Variants in PCDHGA5 observed in about 807,000 individuals in gnomAD.
PCDHGA5 encodes protocadherin gamma-A5.
Under a neutral mutation model 56.7 loss-of-function variants are expected in PCDHGA5, and 36 were observed. The ratio of observed to expected loss-of-function variants is 0.64; its 90% CI spans 0.49 to 0.84. The LOEUF is 0.84. Ranked by LOEUF, PCDHGA5 falls within the 40% of genes least tolerant of loss-of-function variation. The pLI, the probability that PCDHGA5 is intolerant of heterozygous loss-of-function variation, is 0.00. For synonymous variants in PCDHGA5, 563 were observed against 520.2 expected, an observed-to-expected ratio of 1.08 and a Z score of -1.12; for missense variants, 1,305 against 1,201.5, an observed-to-expected ratio of 1.09 and a Z score of -1.27.
rs2099417434 is a variant in PCDHGA5, at chr5:141,477,762, C to T, written c.2422-17045C>T. 1 of 1,613,968 alleles carries T rather than the reference C, an allele frequency of 6.2e-7. No homozygotes were observed. The highest frequency in any genetic ancestry group is 8.5e-7 in the Non-Finnish European group (1 of 1,180,032). On this transcript the variant is annotated intron_variant, in intron 1 of 3. Transcript: ENST00000518069. This position sits in a 1 kb window ranked among gnomAD's most constrained non-coding sequence, Gnocchi z 4.9. ...GATGGGGGCACCCCGGTCCTAGCCA[C>T]CAACATCAGCGTGAACATATTTGTC...
chr5:141,400,081 G>A lies in PCDHGA5; in HGVS notation c.2421+33330G>A, dbSNP rs763547099. 3.7e-6 allele frequency: 6 copies of A among 1,613,902 alleles called. No homozygotes were observed. The highest frequency in any genetic ancestry group is 3.3e-5 in the Admixed American group (2 of 60,010). On this transcript the variant is annotated intron_variant, in intron 1 of 3. Transcript: ENST00000518069. ...TGATGGTGGACAGCCGCCACTCTCC[G>A]CCACCGCCACGCTGCACTTGGTCTT...
chr5:141,501,390 T>TCAC (rs1033806087), intron 2 of PCDHGA5, among the ~76,000 whole-genome samples: 4 of 151,794 alleles, frequency 2.6e-5, no homozygotes, highest in African/African-American at 9.7e-5. Flanking sequence ...CTAGGTCCTG[T>TCAC]CACAGGCCAC....
chr5:141,376,948 A>T (rs1369934638), intron 1 of PCDHGA5: 1 of 164,970 alleles, frequency 6.1e-6, no homozygotes, highest in South Asian at 1.6e-4. Context: ...CGGCCTCCCA[A>T]AGTGCTGGGA....
chr5:141,393,121 T>A, intron 1 of PCDHGA5: 1 of 1,613,428 alleles, frequency 6.2e-7, no homozygotes, highest in African/African-American at 1.3e-5. Context: ...CCGCGGTGTC[T>A]GATAAATATT....
intron 1 of PCDHGA5, chr5:141,374,117 G>T: frequency 1.9e-6 from 3 of 1,587,564 alleles, no homozygotes; most frequent in South Asian, 1.1e-5. Context: ...GCAGCGCAGC[G>T]AGCAGGTCCT....
intron 1 of PCDHGA5, chr5:141,388,479 C>T (rs1345463224): frequency 4.3e-6 from 7 of 1,613,652 alleles, no homozygotes; most frequent in Non-Finnish European, 1.7e-6. Flanking sequence ...ATTGAAGACA[C>T]CTTTGGACAG....
intron 1 of PCDHGA5, chr5:141,393,700 A>T: frequency 6.2e-7 from 1 of 1,613,934 alleles, no homozygotes; most frequent in Non-Finnish European, 8.5e-7. Context: ...CAGCTTAATG[A>T]AAATACTGGG....
intron 1 of PCDHGA5, chr5:141,419,649 A>C: frequency 6.2e-7 from 1 of 1,612,422 alleles, no homozygotes; most frequent in Non-Finnish European, 8.5e-7. Context: ...GTGGACGCGG[A>C]CTCGGGGCAC....
chr5:141,462,646 A>G (rs1371582710), intron 1 of PCDHGA5, among the ~76,000 whole-genome samples: 1 of 137,316 alleles, frequency 7.3e-6, no homozygotes, highest in Non-Finnish European at 1.5e-5. Flanking sequence ...TTTCATTTCC[A>G]TCCTCAATTA....
chr5:141,438,619 TATATATATATATATATACACAC>T (rs1408639052), intron 1 of PCDHGA5, among the ~76,000 whole-genome samples: 61 of 39,666 alleles, frequency 1.5e-3, no homozygotes, highest in African/African-American at 9.2e-3. Context: ...TATATATATA[TATATATATATATATATACACAC>T]ACACACACAC....
intron 1 of PCDHGA5, among the ~76,000 whole-genome samples, chr5:141,469,967 C>G (rs2099217411): frequency 6.6e-6 from 1 of 152,124 alleles, no homozygotes; most frequent in Admixed American, 6.6e-5. Flanking sequence ...CCCATCTGTA[C>G]CAAAAATACA....
At chr5:141,419,916 C>T in intron 1 of PCDHGA5, 1 of 1,614,080 alleles carries the variant, frequency 6.2e-7, no homozygotes, top group Non-Finnish European at 8.5e-7. Context: ...GACTCCCAGG[C>T]TGAGATGCAG....
intron 1 of PCDHGA5, among the ~76,000 whole-genome samples, chr5:141,454,796 ATTTTTTTTT>A (rs61612330): frequency 1.2e-4 from 9 of 77,408 alleles, no homozygotes; most frequent in Admixed American, 5.4e-4. Context: ...CATGGTTCTA[ATTTTTTTTT>A]TTTTTTTTTT....
intron 1 of PCDHGA5, among the ~76,000 whole-genome samples, chr5:141,494,070 C>T (rs933213518): frequency 3.9e-5 from 6 of 152,174 alleles, no homozygotes; most frequent in African/African-American, 1.4e-4. Context: ...AGCTGGATCC[C>T]TCCCCGCTGC....
At chr5:141,502,552 T>C (rs1217408446) in intron 2 of PCDHGA5, among the ~76,000 whole-genome samples, 1 of 152,146 alleles carries the variant, frequency 6.6e-6, no homozygotes, top group Non-Finnish European at 1.5e-5. Context: ...AAAAACAGTG[T>C]CCCAGATCTC....
intron 1 of PCDHGA5, chr5:141,423,031 A>G (rs761268652): frequency 1.2e-6 from 2 of 1,614,096 alleles, no homozygotes; most frequent in East Asian, 2.2e-5. Flanking sequence ...TTCAGGCCAG[A>G]ACGCCTGGCT....
chr5:141,421,277 T>C (rs761435958), intron 1 of PCDHGA5: 2 of 1,612,826 alleles, frequency 1.2e-6, no homozygotes, highest in Non-Finnish European at 1.7e-6. Flanking sequence ...CTGCTGCTGC[T>C]GTGCATTTTC....
rs185280755 is a variant in PCDHGA5 at position 141,476,824 on chromosome 5, C to T, written c.2422-17983C>T. Reference sequence around the variant, plus strand: ...TGCCTATTCACATCAAGGTGCTGGACGCGAATGACAATGCGCCTGTCTTCA... The same window carrying T: ...TGCCTATTCACATCAAGGTGCTGGATGCGAATGACAATGCGCCTGTCTTCA... On this transcript the variant is annotated intron_variant, in intron 1 of 3. Transcript: ENST00000518069. This position sits in a 1 kb window ranked among gnomAD's most constrained non-coding sequence, Gnocchi z 7.6. 24 of 1,613,588 alleles carry T rather than the reference C, an allele frequency of 1.5e-5. No homozygotes were observed. The East Asian group carries it at 4.5e-4, about 30-fold the overall frequency.
At chr5:141,494,972 C>T (rs1005793988) in intron 2 of PCDHGA5, 107 bp downstream of exon 2, 69 of 1,581,734 alleles carry the variant, frequency 4.4e-5, no homozygotes, top group Non-Finnish European at 5.9e-5. Context: ...TGGCTTCTCC[C>T]TCAGTTTGAG....
Sources: allele counts gnomAD v4.1 joint callset (sites outside exome capture counted in the v4.1 genomes callset), GRCh38; gene constraint gnomAD v4.1.1; non-coding constraint Gnocchi (gnomAD v3.1); transcripts MANE v1.5; gene names NCBI Gene and HGNC (gene_info 2026-07-23, HGNC 2026-07-21).